Variants in PARVA observed in about 807,000 individuals in gnomAD.
PARVA encodes parvin alpha.
PARVA carries 25 observed loss-of-function variants against 52.6 expected under a neutral mutation model. That is an observed-to-expected ratio of 0.48 (90% CI 0.35 to 0.66). PARVA has a LOEUF of 0.66. Ranked by LOEUF, PARVA falls within the 30% of genes least tolerant of loss-of-function variation. The pLI is 0.01. For missense variants in PARVA, 373 were observed against 450.9 expected (o/e 0.83, Z 1.56); for synonymous variants, 185 against 179.1 (o/e 1.03, Z -0.26).
intron 1 of PARVA, among the ~76,000 whole-genome samples, chr11:12,408,357 G>A (rs11022342): frequency 0.046 from 7,030 of 152,250 alleles, 255 homozygotes; most frequent in Non-Finnish European, 0.072. Flanking sequence ...CAGCCCTCTC[G>A]GTTGGCTGAG....
At chr11:12,519,954 G>A (rs575124185) in intron 12 of PARVA, among the ~76,000 whole-genome samples, 57 of 152,208 alleles carry the variant, frequency 3.7e-4, no homozygotes, top group African/African-American at 1.3e-3. Flanking sequence ...CCTGCTTCTG[G>A]GAGGACAGAC....
intron 1 of PARVA, among the ~76,000 whole-genome samples, chr11:12,399,852 G>A (rs1939801222): frequency 6.6e-6 from 1 of 152,012 alleles, no homozygotes; most frequent in African/African-American, 2.4e-5. Context: ...TTGGAGCTTA[G>A]GTATGTTTTC....
chr11:12,400,839 T>C (rs759968862), intron 1 of PARVA, among the ~76,000 whole-genome samples: 4 of 152,226 alleles, frequency 2.6e-5, no homozygotes, highest in Non-Finnish European at 5.9e-5. Context: ...AACTTCTAGA[T>C]GCCTGAACAC....
intron 1 of PARVA, among the ~76,000 whole-genome samples, chr11:12,407,551 T>C (rs1939930377): frequency 6.6e-6 from 1 of 152,236 alleles, no homozygotes; most frequent in Admixed American, 6.5e-5. Flanking sequence ...AAATATTCAC[T>C]ATGGGGACAT....
intron 1 of PARVA, among the ~76,000 whole-genome samples, chr11:12,388,719 A>G (rs1365327105): frequency 6.6e-6 from 1 of 151,884 alleles, no homozygotes; most frequent in African/African-American, 2.4e-5. Flanking sequence ...TATTGTGAGT[A>G]TACTATGTAT....
intron 1 of PARVA, among the ~76,000 whole-genome samples, chr11:12,431,800 A>G (rs1194767443): frequency 6.6e-6 from 1 of 152,158 alleles, no homozygotes; most frequent in Non-Finnish European, 1.5e-5. Flanking sequence ...TGCCACCATC[A>G]ACACTTAGCC....
chr11:12,518,595 G>A lies in PARVA; in HGVS notation c.1042+78G>A, dbSNP rs1941599955. The A allele has an allele frequency of 3.8e-6, 4 of 1,058,890 alleles. No homozygotes were observed. The Middle Eastern group carries it at 6.0e-4, about 158-fold the overall frequency. 65.6% of individuals were successfully genotyped at this position (1,058,890 alleles called of 1,614,324 possible). On this transcript the variant is annotated intron_variant, in intron 12 of 12. Coordinates refer to ENST00000334956, the MANE Select transcript of PARVA (RefSeq NM_018222.5). ...ACATGAGTACTCAGATTTTGTAGCA[G>A]AGGGAAGCATTTTCTGAAGCCTTCG... is the stretch of plus-strand genomic sequence containing the variant.
At chr11:12,458,924 C>G (rs2135021205) in intron 1 of PARVA, among the ~76,000 whole-genome samples, 1 of 152,312 alleles carries the variant, frequency 6.6e-6, no homozygotes, top group African/African-American at 2.4e-5. Flanking sequence ...CTCAGAAACT[C>G]ACCTTTATTG....
intron 4 of PARVA, among the ~76,000 whole-genome samples, chr11:12,481,462 C>G (rs1254630603): frequency 6.6e-6 from 1 of 151,714 alleles, no homozygotes; most frequent in African/African-American, 2.4e-5. Flanking sequence ...CTTTGTTTCT[C>G]ACATCATAAG....
intron 1 of PARVA, among the ~76,000 whole-genome samples, chr11:12,396,707 C>T (rs1435454730): frequency 1.3e-5 from 2 of 152,226 alleles, no homozygotes; most frequent in Non-Finnish European, 2.9e-5. Context: ...GTTCACAGTA[C>T]GTTTAACCAG....
rs1941301987 is a variant in PARVA, at chr11:12,496,591, T to C, written c.534T>C (p.Asn178=). ...LKLPPRSIKW[N]VDSVHAKSLV... is the part of the protein sequence containing the mutation. ...TTCCTCCCAGGAGCATCAAGTGGAATGTGGATTGTGAGTTGAACAAAGGAA... is the reference window on the plus strand; with the variant it reads ...TTCCTCCCAGGAGCATCAAGTGGAACGTGGATTGTGAGTTGAACAAAGGAA... The change falls in exon 5 of 13, where the codon AAT becomes AAC. Residue 178 remains asparagine, a synonymous_variant. Coordinates refer to ENST00000334956, the MANE Select transcript of PARVA (RefSeq NM_018222.5). 2.5e-6 allele frequency: 4 copies of C among 1,611,714 alleles called. No individual in the cohort carries two copies. The highest frequency in any genetic ancestry group is 3.4e-6 in the Non-Finnish European group (4 of 1,179,150).
intron 1 of PARVA, among the ~76,000 whole-genome samples, chr11:12,412,597 G>A (rs568252070): frequency 1.3e-5 from 2 of 152,300 alleles, no homozygotes; most frequent in Admixed American, 1.3e-4. Context: ...TTTTGCTACT[G>A]ATGTGCCAGG....
At chr11:12,436,004 A>T (rs1211575546) in intron 1 of PARVA, among the ~76,000 whole-genome samples, 1 of 151,924 alleles carries the variant, frequency 6.6e-6, no homozygotes, top group East Asian at 1.9e-4. Context: ...TTGTATTTTT[A>T]GTAGAGATGG....
intron 1 of PARVA, among the ~76,000 whole-genome samples, chr11:12,418,149 A>G (rs1463745157): frequency 8.8e-6 from 1 of 113,378 alleles, no homozygotes; most frequent in South Asian, 2.5e-4. Context: ...AAATTTTCTG[A>G]GGAAATCAGC....
intron 1 of PARVA, among the ~76,000 whole-genome samples, chr11:12,427,868 C>A (rs1940260514): frequency 6.6e-6 from 1 of 152,212 alleles, no homozygotes; most frequent in Non-Finnish European, 1.5e-5. Context: ...GAAGCCTGTT[C>A]CCGATTTCTA....
rs764291904 is a variant in PARVA, at chr11:12,532,857, T to A, written c.*4932T>A. ...AGAATGAGGGAGAAGACGGATCCGA[T>A]CGCAGGCATCGGGAGTGCTGATTTT... On this transcript the variant is annotated 3_prime_UTR_variant, in exon 13 of 13. Transcript: ENST00000334956. Among the ~76,000 whole-genome samples, 60 of 152,182 alleles carry A rather than the reference T, an allele frequency of 3.9e-4. No individual in the cohort carries two copies. Among genetic ancestry groups the A allele is most frequent in the Admixed American group, 2.8e-3 (43 of 15,280 alleles).
intron 1 of PARVA, among the ~76,000 whole-genome samples, chr11:12,463,824 ATTTAT>A (rs1172684325): frequency 2.0e-5 from 3 of 152,164 alleles, no homozygotes; most frequent in South Asian, 2.1e-4. Context: ...ATTCACAGAC[ATTTAT>A]TTTATCTGTG....
chr11:12,514,344 T>A (rs1227680262), intron 10 of PARVA, among the ~76,000 whole-genome samples: 1 of 152,236 alleles, frequency 6.6e-6, no homozygotes, highest in Non-Finnish European at 1.5e-5. Context: ...CCCTAAATGC[T>A]TGAGCATATG....
At chr11:12,453,830 G>C (rs11821909) in intron 1 of PARVA, among the ~76,000 whole-genome samples, 14,682 of 152,196 alleles carry the variant, frequency 0.096, 798 homozygotes, top group Middle Eastern at 0.15. Context: ...AAAAAGGGTG[G>C]CTCTAAGCAA....
Sources: allele counts gnomAD v4.1 joint callset (sites outside exome capture counted in the v4.1 genomes callset), GRCh38; gene constraint gnomAD v4.1.1; transcripts MANE v1.5; gene names NCBI Gene and HGNC (gene_info 2026-07-23, HGNC 2026-07-21).